Variants in PGCKA1 observed in about 807,000 individuals in gnomAD.
PGCKA1 encodes the protein PDCD10 and GCKIII kinases-associated protein 1.
the PGCKA1 span, among the ~76,000 whole-genome samples, chr4:37,498,951 G>T: frequency 1.3e-5 from 2 of 152,176 alleles, no homozygotes; most frequent in African/African-American, 4.8e-5. Context: ...TACAATGTTG[G>T]TTGTGGATTT....
chr4:37,561,707 C>T, the PGCKA1 span, among the ~76,000 whole-genome samples: 1 of 152,202 alleles, frequency 6.6e-6, no homozygotes, highest in Admixed American at 6.5e-5. Context: ...TCACTTCAAA[C>T]AAGGAGTTAG....
the PGCKA1 span, among the ~76,000 whole-genome samples, chr4:37,565,738 T>A: frequency 6.6e-6 from 1 of 152,290 alleles, no homozygotes; most frequent in African/African-American, 2.4e-5. Context: ...CTGTGATGGT[T>A]AATATTGAGT....
chr4:37,588,966 A>G, the PGCKA1 span: 1 of 1,177,210 alleles, frequency 8.5e-7, no homozygotes, highest in Non-Finnish European at 1.3e-6. Context: ...ACTTTTAAAG[A>G]CCATGCGTGT....
the PGCKA1 span, among the ~76,000 whole-genome samples, chr4:37,556,205 C>T: frequency 7.9e-5 from 12 of 152,092 alleles, no homozygotes; most frequent in African/African-American, 1.9e-4. Flanking sequence ...AACGCCCTCC[C>T]GACACACCTG....
the PGCKA1 span, among the ~76,000 whole-genome samples, chr4:37,496,300 C>T: frequency 1.3e-5 from 2 of 152,078 alleles, no homozygotes; most frequent in African/African-American, 4.8e-5. Flanking sequence ...TTGTATGTGG[C>T]ATAAGGAATT....
chr4:37,560,616 A>T, the PGCKA1 span, among the ~76,000 whole-genome samples: 2 of 146,418 alleles, frequency 1.4e-5, no homozygotes, highest in Admixed American at 7.0e-5. Flanking sequence ...GAGCTTTCAC[A>T]TCTAGCCCTT....
chr4:37,461,744 T>C, the PGCKA1 span, among the ~76,000 whole-genome samples: 900 of 152,126 alleles, frequency 5.9e-3, 25 homozygotes, highest in African/African-American at 0.021. Context: ...CGGGCAGTAC[T>C]GAGGCTGGCC....
chr4:37,495,487 A>G, the PGCKA1 span, among the ~76,000 whole-genome samples: 1 of 152,234 alleles, frequency 6.6e-6, no homozygotes, highest in East Asian at 1.9e-4. Context: ...GATAGACTGG[A>G]TAAAAAATAT....
chr4:37,460,469 TC>T, the PGCKA1 span: 1 of 419,634 alleles, frequency 2.4e-6, no homozygotes, highest in Non-Finnish European at 4.7e-6. Flanking sequence ...GTTAAAGTGT[TC>T]CTATTTCTCC....
chr4:37,564,006 C>A, the PGCKA1 span, among the ~76,000 whole-genome samples: 1 of 152,110 alleles, frequency 6.6e-6, no homozygotes, highest in Non-Finnish European at 1.5e-5. Flanking sequence ...GGGACAGTGG[C>A]TCACCTCTGT....
the PGCKA1 span, among the ~76,000 whole-genome samples, chr4:37,577,417 A>G: frequency 2.0e-5 from 3 of 151,914 alleles, no homozygotes; most frequent in Non-Finnish European, 2.9e-5. Flanking sequence ...ATCAGTCGTA[A>G]TGTCTTCCTT....
chr4:37,549,448 C>A, the PGCKA1 span, among the ~76,000 whole-genome samples: 1 of 152,192 alleles, frequency 6.6e-6, no homozygotes, highest in East Asian at 1.9e-4. Flanking sequence ...CAAAGGCTGA[C>A]CCCCATGTCT....
the PGCKA1 span, among the ~76,000 whole-genome samples, chr4:37,535,465 G>T: frequency 3.9e-5 from 6 of 152,216 alleles, no homozygotes; most frequent in Admixed American, 2.0e-4. Context: ...CAGATGGAGT[G>T]GGGGGCCACA....
At chr4:37,479,809 A>G in the PGCKA1 span, among the ~76,000 whole-genome samples, 2 of 152,198 alleles carry the variant, frequency 1.3e-5, 1 homozygote, top group Non-Finnish European at 2.9e-5. Context: ...ATCTTTAAAA[A>G]CAAGAAGCTG....
At chr4:37,471,735 A>G in the PGCKA1 span, among the ~76,000 whole-genome samples, 1 of 152,160 alleles carries the variant, frequency 6.6e-6, no homozygotes, top group African/African-American at 2.4e-5. Context: ...GAAGGCAAGG[A>G]AGGCTTTTCA....
chr4:37,573,850 A>G, the PGCKA1 span, among the ~76,000 whole-genome samples: 1 of 152,224 alleles, frequency 6.6e-6, no homozygotes, highest in East Asian at 1.9e-4. Context: ...GTAAATGACT[A>G]GCAGATTTCC....
the PGCKA1 span, among the ~76,000 whole-genome samples, chr4:37,511,970 G>A: frequency 3.4e-3 from 518 of 152,318 alleles, 4 homozygotes; most frequent in African/African-American, 0.012. Context: ...CTCTGTAGCC[G>A]GGCATCAGCT....
chr4:37,525,057 T>A, the PGCKA1 span, among the ~76,000 whole-genome samples: 12 of 151,642 alleles, frequency 7.9e-5, no homozygotes, highest in African/African-American at 2.7e-4. Flanking sequence ...AAACTGAAAA[T>A]TAGAGACAAA....
chr4:37,455,601 A>G, the PGCKA1 span, among the ~76,000 whole-genome samples: 2 of 152,230 alleles, frequency 1.3e-5, no homozygotes, highest in African/African-American at 2.4e-5. Flanking sequence ...CTAAAGAGAA[A>G]TAGGGCCAAT....
Sources: gnomAD v4.1 joint callset for allele counts (sites outside exome capture counted in the v4.1 genomes callset) on GRCh38, gnomAD v4.1.1 for gene constraint, MANE v1.5 for transcripts, NCBI Gene and HGNC (gene_info 2026-07-23, HGNC 2026-07-21) for gene names.